The following ADAMTS5 variants were observed in gnomAD, a reference collection of about 807,000 sequenced individuals.
ADAMTS5 encodes the protein ADAM metallopeptidase with thrombospondin type 1 motif 5.
Under a neutral mutation model 81.4 loss-of-function variants are expected in ADAMTS5, and 54 were observed. The observed-to-expected ratio is 0.66, with a 90% confidence interval of 0.53 to 0.83. ADAMTS5 has a LOEUF of 0.83. ADAMTS5 is among the 40% of genes least tolerant of loss of function. The pLI is 0.00. For missense variants in ADAMTS5, 1,194 were observed against 1,229.9 expected, an observed-to-expected ratio of 0.97 and a Z score of 0.44; for synonymous variants, 532 against 508.8, an observed-to-expected ratio of 1.05 and a Z score of -0.61.
At chr21:26,933,562 C>G (rs954578888) in intron 4 of ADAMTS5, among the ~76,000 whole-genome samples, 1 of 152,192 alleles carries the variant, frequency 6.6e-6, no homozygotes. Context: ...ATAAATGTAC[C>G]GGACCCAACT....
At chr21:26,937,873 C>T (rs1568843416) in intron 3 of ADAMTS5, among the ~76,000 whole-genome samples, 1 of 152,136 alleles carries the variant, frequency 6.6e-6, no homozygotes, top group African/African-American at 2.4e-5. Flanking sequence ...CTGGATCTTC[C>T]TGGGAACACT....
At chr21:26,933,946 T>C (rs1986962305) in intron 4 of ADAMTS5, among the ~76,000 whole-genome samples, 1 of 152,186 alleles carries the variant, frequency 6.6e-6, no homozygotes, top group South Asian at 2.1e-4. Flanking sequence ...GACCTGAAGC[T>C]GGACTGTGTA....
chr21:26,944,568 C>T (rs1006531582), intron 2 of ADAMTS5, among the ~76,000 whole-genome samples: 1 of 152,148 alleles, frequency 6.6e-6, no homozygotes, highest in African/African-American at 2.4e-5. Context: ...TGAGCAATTA[C>T]AAACTCTAAA....
chr21:26,957,678 G>A (rs1442116390), intron 1 of ADAMTS5, among the ~76,000 whole-genome samples: 1 of 152,196 alleles, frequency 6.6e-6, no homozygotes, highest in Non-Finnish European at 1.5e-5. Flanking sequence ...TGTGTGGACA[G>A]TAATGCAGTG....
At chr21:26,952,088 A>G (rs764703557) in intron 2 of ADAMTS5, among the ~76,000 whole-genome samples, 4 of 152,230 alleles carry the variant, frequency 2.6e-5, no homozygotes, top group African/African-American at 4.8e-5. Flanking sequence ...CAGACCTTAA[A>G]TAGCTCAGAT....
Position 26,965,540 on chromosome 21 carries a change from G to T in ADAMTS5, c.852C>A (p.Gly284=). 1.2e-6 allele frequency: 2 copies of T among 1,613,132 alleles called. No individual in the cohort carries two copies. Among genetic ancestry groups the T allele is most frequent in the South Asian group, 1.1e-5 (1 of 91,076 alleles). ...VADASMARLY[G]RGLQHYLLTL... is the part of the protein sequence containing the mutation. ...TCAGCAGGTAATGCTGCAGGCCCCG[G>T]CCATACAACCGCGCCATGGACGCGT... Residue 284 remains glycine (G), a synonymous_variant, in exon 1 of 8, where the codon GGC becomes GGA. Coordinates refer to ENST00000284987, the MANE Select transcript of ADAMTS5 (RefSeq NM_007038.5).
intron 1 of ADAMTS5, among the ~76,000 whole-genome samples, chr21:26,961,056 T>C (rs945979929): frequency 2.0e-5 from 3 of 152,228 alleles, no homozygotes; most frequent in African/African-American, 7.2e-5. Context: ...TTTAAATCTC[T>C]GAATCCCTCC....
intron 1 of ADAMTS5, among the ~76,000 whole-genome samples, chr21:26,961,955 G>C (rs1307079770): frequency 6.6e-6 from 1 of 152,128 alleles, no homozygotes; most frequent in African/African-American, 2.4e-5. Context: ...GGGGAGACCC[G>C]GTCCCAGCAA....
At position 26,965,746 on chromosome 21, in the gene ADAMTS5, G is replaced by T. The variant is rs1987637932; in HGVS notation, c.646C>A (p.Pro216Thr). The T allele has an allele frequency of 6.3e-7, 1 of 1,596,722 alleles. No homozygotes were observed. ...GCCGGAGCATGCTCGTGGGCCTCCG[G>T]TGTGGACGCGGGGGTTTCGCAGCTG... ...RASCETPAST[P>T]EAHEHAPAHS... Residue 216 changes from proline (P) to threonine (T), a missense_variant, in exon 1 of 8, where the codon CCG (proline) becomes ACG (threonine). Physicochemically the swap from Pro to Thr is conservative, Grantham distance 38. Coordinates refer to ENST00000284987, the MANE Select transcript of ADAMTS5 (RefSeq NM_007038.5).
intron 2 of ADAMTS5, among the ~76,000 whole-genome samples, chr21:26,947,213 C>G (rs2123191068): frequency 6.6e-6 from 1 of 152,284 alleles, no homozygotes; most frequent in Non-Finnish European, 1.5e-5. Context: ...TAATTGGAAG[C>G]TTTTCACCTA....
At position 26,934,692 on chromosome 21, in the gene ADAMTS5, C is replaced by T. The variant is rs138240355; in HGVS notation, c.1463G>A (p.Gly488Glu). ...KQILGPEELPGQTYDATQQCN... is the reference protein window; with the variant it reads ...KQILGPEELPEQTYDATQQCN... ...CTGCTGGGTGGCATCGTAGGTCTGT[C>T]CTGGGAGTTCTTCGGGGCCCAGGAT... Residue 488 changes from glycine (G) to glutamate (E), a missense_variant, in exon 4 of 8, where the codon GGA (glycine) becomes GAA (glutamate). By Grantham distance (98) the Gly-to-Glu change is moderately conservative. This residue lies in a region of ADAMTS5 where 696 missense variants were observed against 817.6 expected (regional missense o/e 0.85). Transcript: ENST00000284987. The T allele has an allele frequency of 5.7e-5, 92 of 1,614,066 alleles. No homozygotes were observed. The highest frequency in any genetic ancestry group is 7.4e-5 in the Non-Finnish European group (87 of 1,180,050).
chr21:26,930,179 T>TG, intron 6 of ADAMTS5, 118 bp from the exon 7 acceptor site: 2 of 803,886 alleles, frequency 2.5e-6, no homozygotes, highest in South Asian at 3.6e-5. Context: ...GACAGTCCAT[T>TG]GAAAAAAAAA....
Position 26,966,628 on chromosome 21 carries a change from T to TGG in ADAMTS5, c.-239_-238dup, listed in dbSNP as rs200908507. 3.2e-4 allele frequency: 2 copies of TGG among 6,330 alleles called. No individual in the cohort carries two copies. The highest frequency in any genetic ancestry group is 4.1e-3 in the East Asian group (1 of 244). 0.4% of individuals were successfully genotyped at this position (6,330 alleles called of 1,614,324 possible). ...TTTGGATTCGTGCTCCAGAAAGAGG[T>TGG]GGGGTGGGGGGGGGGGGAAAGAAAA... On this transcript the variant is annotated 5_prime_UTR_variant, in exon 1 of 8. Coordinates refer to ENST00000284987, the MANE Select transcript of ADAMTS5 (RefSeq NM_007038.5).
chr21:26,954,585 A>G (rs540198348), intron 2 of ADAMTS5, among the ~76,000 whole-genome samples, 154 bp downstream of exon 2: 2 of 152,348 alleles, frequency 1.3e-5, no homozygotes, highest in African/African-American at 2.4e-5. Flanking sequence ...CGCTCGTATT[A>G]GTTAACCTTA....
intron 2 of ADAMTS5, chr21:26,954,118 AT>A (rs148526447): frequency 3.3e-5 from 5 of 152,104 alleles, no homozygotes; most frequent in African/African-American, 9.6e-5. Flanking sequence ...TTTTGGAAAT[AT>A]TTTTTAGCAA....
chr21:26,950,730 A>C (rs1324391095), intron 2 of ADAMTS5, among the ~76,000 whole-genome samples: 1 of 152,220 alleles, frequency 6.6e-6, no homozygotes, highest in East Asian at 1.9e-4. Context: ...TGAAAAGAGT[A>C]AGTTTTCATA....
At chr21:26,945,973 A>G (rs746797930) in intron 2 of ADAMTS5, among the ~76,000 whole-genome samples, 22 of 152,164 alleles carry the variant, frequency 1.4e-4, no homozygotes, top group Non-Finnish European at 2.6e-4. Flanking sequence ...TTGAGGGCGA[A>G]TGAACACTCT....
chr21:26,935,283 CTCAT>C (rs1426079965), intron 3 of ADAMTS5, among the ~76,000 whole-genome samples: 1 of 152,110 alleles, frequency 6.6e-6, no homozygotes, highest in African/African-American at 2.4e-5. Flanking sequence ...AAGCTGGCTC[CTCAT>C]TCATTCTTAC....
At chr21:26,949,345 C>T (rs1252804042) in intron 2 of ADAMTS5, among the ~76,000 whole-genome samples, 1 of 151,820 alleles carries the variant, frequency 6.6e-6, no homozygotes, top group Admixed American at 6.6e-5. Context: ...GTGCACACCA[C>T]CACCCTTGGC....
Sources: gnomAD v4.1 joint callset for allele counts (sites outside exome capture counted in the v4.1 genomes callset) on GRCh38, gnomAD v4.1.1 for gene constraint, gnomAD v4.1.1 regional missense constraint, MANE v1.5 for transcripts, NCBI Gene and HGNC (gene_info 2026-07-23, HGNC 2026-07-21) for gene names.